Variants in TRIM24 observed in about 807,000 individuals in gnomAD.
TRIM24 encodes tripartite motif containing 24, also known as transcription intermediary factor 1-alpha.
A neutral mutation model predicts 123.9 loss-of-function variants in TRIM24; 29 were observed. That is an observed-to-expected ratio of 0.23 (90% CI 0.17 to 0.32). TRIM24 has a LOEUF of 0.32. TRIM24 is among the 10% of genes least tolerant of loss of function. TRIM24 has a pLI of 1.00. For missense variants in TRIM24, 932 were observed against 1,295.3 expected, an observed-to-expected ratio of 0.72 and a Z score of 4.31; for synonymous variants, 456 against 461.1, an observed-to-expected ratio of 0.99 and a Z score of 0.14.
chr7:138,563,122 T>C (rs1244432266), intron 9 of TRIM24, among the ~76,000 whole-genome samples: 1 of 152,114 alleles, frequency 6.6e-6, no homozygotes, highest in Non-Finnish European at 1.5e-5. Flanking sequence ...CACCATAAAG[T>C]CCATTAGCTG....
chr7:138,563,011 G>A (rs1048980356), intron 9 of TRIM24, among the ~76,000 whole-genome samples: 10 of 152,250 alleles, frequency 6.6e-5, no homozygotes, highest in African/African-American at 2.2e-4. Context: ...CCAACAAAGT[G>A]GCCTCTTCTC....
At chr7:138,568,379 CTTTTTTTT>C (rs60386130) in intron 10 of TRIM24, among the ~76,000 whole-genome samples, 145 of 68,698 alleles carry the variant, frequency 2.1e-3, no homozygotes, top group Middle Eastern at 0.026. Context: ...ACCTGGCCTC[CTTTTTTTT>C]TTTTTTTTTT....
intron 2 of TRIM24, among the ~76,000 whole-genome samples, chr7:138,505,245 A>T (rs1278508751): frequency 6.6e-6 from 1 of 152,246 alleles, no homozygotes; most frequent in Non-Finnish European, 1.5e-5. Context: ...TCTTGATTGC[A>T]TACCCACATT....
At chr7:138,506,072 T>C (rs115738254) in intron 2 of TRIM24, among the ~76,000 whole-genome samples, 2,155 of 152,328 alleles carry the variant, frequency 0.014, 37 homozygotes, top group African/African-American at 0.045. Flanking sequence ...ATTTCTGTAC[T>C]TTTTGTTGAA....
chr7:138,491,653 A>G lies in TRIM24; in HGVS notation c.365-12637A>G, dbSNP rs115056298. ...ATACTGCTACGAACATTGGTGTCCA[A>G]ATATCTGTTAGTCCCTGTTCTTCAG... On this transcript the variant is annotated intron_variant, in intron 1 of 18. Coordinates refer to ENST00000343526, the MANE Select transcript of TRIM24 (RefSeq NM_015905.3). Among the ~76,000 whole-genome samples the G allele has an allele frequency of 1.7e-3, 260 of 152,246 alleles. 2 individuals are homozygous for G. Among genetic ancestry groups the G allele is most frequent in the African/African-American group, 6.1e-3 (254 of 41,550 alleles).
chr7:138,509,701 C>CAAAA (rs538243079), intron 2 of TRIM24, among the ~76,000 whole-genome samples: 3 of 67,844 alleles, frequency 4.4e-5, no homozygotes, highest in African/African-American at 1.6e-4. Context: ...GACTCTGTCT[C>CAAAA]AAAAAAAAAA....
At chr7:138,525,110 A>G in intron 4 of TRIM24, 131 bp from the exon 5 acceptor site, 5 of 426,958 alleles carry the variant, frequency 1.2e-5, no homozygotes, top group Non-Finnish European at 2.1e-5. Context: ...TATTAGGGAT[A>G]CGTTTGATGT....
chr7:138,492,355 A>G (rs1795812015), intron 1 of TRIM24, among the ~76,000 whole-genome samples: 1 of 150,874 alleles, frequency 6.6e-6, no homozygotes, highest in Admixed American at 6.6e-5. Flanking sequence ...TTTTTGTTGT[A>G]AAAGTTTATA....
chr7:138,503,626 T>G (rs1221640864), intron 1 of TRIM24, among the ~76,000 whole-genome samples: 1 of 131,802 alleles, frequency 7.6e-6, no homozygotes, highest in Non-Finnish European at 1.6e-5. Context: ...TATATTAGAG[T>G]TTTTTTTTTT....
intron 1 of TRIM24, among the ~76,000 whole-genome samples, chr7:138,480,811 C>T (rs991138014): frequency 9.9e-5 from 15 of 152,068 alleles, no homozygotes; most frequent in Middle Eastern, 3.4e-3. Flanking sequence ...TTGGCAACCT[C>T]GTGGGTGTTT....
At chr7:138,481,816 A>G (rs1046879941) in intron 1 of TRIM24, among the ~76,000 whole-genome samples, 2 of 152,126 alleles carry the variant, frequency 1.3e-5, no homozygotes, top group Non-Finnish European at 2.9e-5. Flanking sequence ...CTGTCTCCAA[A>G]AAAAAAGAAA....
At chr7:138,508,694 C>CGTGTGTGTGT (rs1554436629) in intron 2 of TRIM24, among the ~76,000 whole-genome samples, 21 of 30,622 alleles carry the variant, frequency 6.9e-4, no homozygotes, top group African/African-American at 1.7e-3. Context: ...TGTGTGTGTG[C>CGTGTGTGTGT]GCGCGCGTGT....
Position 138,585,032 on chromosome 7 carries a change from C to G in TRIM24, c.*81C>G. The G allele has an allele frequency of 8.1e-7, 1 of 1,239,744 alleles. No homozygotes were observed. The highest frequency in any genetic ancestry group is 1.1e-6 in the Non-Finnish European group (1 of 890,696). 76.8% of individuals were successfully genotyped at this position (1,239,744 alleles called of 1,614,324 possible). ...ATTTGTCAGTAATTTAACATCACTACAAAAAGAAGAGTTTGTGACTATTCT... is the reference window on the plus strand; with the variant it reads ...ATTTGTCAGTAATTTAACATCACTAGAAAAAGAAGAGTTTGTGACTATTCT... On this transcript the variant is annotated 3_prime_UTR_variant, in exon 19 of 19. Transcript: ENST00000343526.
chr7:138,545,791 A>C (rs1797090321), intron 7 of TRIM24, among the ~76,000 whole-genome samples: 1 of 152,226 alleles, frequency 6.6e-6, no homozygotes, highest in Admixed American at 6.5e-5. Flanking sequence ...GGACATGTCA[A>C]AGGGAACAGG....
chr7:138,507,810 G>A (rs1431170611), intron 2 of TRIM24, among the ~76,000 whole-genome samples: 2 of 152,064 alleles, frequency 1.3e-5, no homozygotes, highest in African/African-American at 2.4e-5. Flanking sequence ...GTGTGCACCT[G>A]TAGTCCCAGC....
Position 138,554,778 on chromosome 7 carries a change from C to T in TRIM24, c.1342C>T (p.Pro448Ser), listed in dbSNP as rs1325951058. The change falls in exon 9 of 19, where the codon CCA (proline) becomes TCA (serine). Residue 448 changes from proline (P) to serine (S), a missense_variant. Physicochemically the swap from Pro to Ser is moderately conservative, Grantham distance 74. Around this residue, in one of 7 missense-constraint regions of TRIM24, gnomAD observed 527 missense variants for 691.3 expected, o/e 0.76. Transcript: ENST00000343526. This position sits in a 1 kb window ranked among gnomAD's most constrained non-coding sequence, Gnocchi z 4.5. Reference sequence around the variant, plus strand: ...TGTCGTGGAACAGAATTCACAGCCACCAAGTGGTTTATCATCAAACCAGTT... The same window carrying T: ...TGTCGTGGAACAGAATTCACAGCCATCAAGTGGTTTATCATCAAACCAGTT... ...NPVVEQNSQP[P>S]SGLSSNQLSK... is the part of the protein sequence containing the mutation. The T allele has an allele frequency of 6.2e-7, 1 of 1,614,190 alleles. No individual in the cohort carries two copies. Among genetic ancestry groups the T allele is most frequent in the Non-Finnish European group, 8.5e-7 (1 of 1,180,014 alleles).
chr7:138,583,110 A>AG (rs1797936769), intron 17 of TRIM24, among the ~76,000 whole-genome samples: 1 of 152,206 alleles, frequency 6.6e-6, no homozygotes. Context: ...GAAGAAACTG[A>AG]GGTTAAGTAG....
At chr7:138,471,878 G>A (rs1346454148) in intron 1 of TRIM24, among the ~76,000 whole-genome samples, 6 of 152,082 alleles carry the variant, frequency 3.9e-5, no homozygotes, top group Non-Finnish European at 8.8e-5. Context: ...TCTTCTATAG[G>A]AATTAGGAAT....
rs953848246 is a variant in TRIM24 at position 138,551,011 on chromosome 7, C to T, written c.1144-52C>T. ...AGACTGTTTTTGTATATTTACTGGG[C>T]GCTTAATAAATTATTTGCCTAATAT... On this transcript the variant is annotated intron_variant, in intron 7 of 18. Coordinates refer to ENST00000343526, the MANE Select transcript of TRIM24 (RefSeq NM_015905.3). The T allele has an allele frequency of 1.4e-5, 20 of 1,435,774 alleles. No homozygotes were observed. The Admixed American group carries it at 1.7e-4, about 12-fold the overall frequency. 88.9% of individuals were successfully genotyped at this position (1,435,774 alleles called of 1,614,324 possible).
Sources: gnomAD v4.1 joint callset for allele counts (sites outside exome capture counted in the v4.1 genomes callset) on GRCh38, gnomAD v4.1.1 for gene constraint, gnomAD v4.1.1 regional missense constraint, Gnocchi (gnomAD v3.1) non-coding constraint, MANE v1.5 for transcripts, NCBI Gene and HGNC (gene_info 2026-07-23, HGNC 2026-07-21) for gene names.